Variants in RNF135 observed in about 807,000 individuals in gnomAD.
The protein encoded by RNF135 is ring finger protein 135.
In RNF135, 46 loss-of-function variants were observed where a neutral mutation model predicts 41.9. The observed-to-expected ratio is 1.10, with a 90% confidence interval of 0.87 to 1.40. RNF135 has a LOEUF of 1.40. Ranked by LOEUF, RNF135 falls within the 40% of genes most tolerant of loss-of-function variation. The pLI is 0.00. For missense variants in RNF135, 539 were observed against 549.8 expected, an observed-to-expected ratio of 0.98 and a Z score of 0.20; for synonymous variants, 238 against 223.8, an observed-to-expected ratio of 1.06 and a Z score of -0.57.
chr17:30,992,845 T>C (rs1363838747), intron 3 of RNF135, among the ~76,000 whole-genome samples: 1 of 152,034 alleles, frequency 6.6e-6, no homozygotes, highest in Non-Finnish European at 1.5e-5. Context: ...TTTTTTCTTT[T>C]ATGCATTGTA....
chr17:30,982,036 C>A (rs1907188767), intron 1 of RNF135, among the ~76,000 whole-genome samples: 1 of 152,306 alleles, frequency 6.6e-6, no homozygotes, highest in Admixed American at 6.5e-5. Flanking sequence ...CCTTGTTAAC[C>A]ACTATCTGGC....
At chr17:30,988,195 G>A (rs1335606099) in intron 3 of RNF135, 89 bp downstream of exon 3, 1 of 1,236,454 alleles carries the variant, frequency 8.1e-7, no homozygotes, top group African/African-American at 1.5e-5. Context: ...TCTGGGGATA[G>A]GATCCCAGAG....
At chr17:30,970,998 A>G, upstream of RNF135, 2 of 1,523,708 alleles carry the variant, frequency 1.3e-6, no homozygotes, top group South Asian at 2.4e-5. Context: ...CAAGGGGAAG[A>G]GGAAGGGCGA....
At chr17:30,968,118 A>G (rs980912547), upstream of RNF135, among the ~76,000 whole-genome samples, 1 of 151,588 alleles carries the variant, frequency 6.6e-6, no homozygotes, top group African/African-American at 2.4e-5. Context: ...GGGAAACCCC[A>G]TCTCTACTAA....
rs751567056 is a variant in RNF135 at position 30,987,902 on chromosome 17, AG to A, written c.517-38del. 4 of 1,544,542 alleles carry A rather than the reference AG, an allele frequency of 2.6e-6. No homozygotes were observed. The African/African-American group carries it at 5.4e-5, about 21-fold the overall frequency. On this transcript the variant is annotated intron_variant, in intron 2 of 4. Coordinates refer to ENST00000328381, the MANE Select transcript of RNF135 (RefSeq NM_032322.4). Reference sequence around the variant, plus strand: ...GAATATAATAGTTGATAGACTGCATAGGGGACTTCCATTTATTCAGTTTTAA... The same window carrying A: ...GAATATAATAGTTGATAGACTGCATAGGGACTTCCATTTATTCAGTTTTAA...
upstream of RNF135, among the ~76,000 whole-genome samples, chr17:30,968,142 G>A (rs1234570230): frequency 6.6e-6 from 1 of 151,424 alleles, no homozygotes; most frequent in East Asian, 2.0e-4. Flanking sequence ...TACAAAATTA[G>A]CCGGGCATGG....
upstream of RNF135, among the ~76,000 whole-genome samples, chr17:30,966,870 A>T (rs1390686187): frequency 6.6e-6 from 1 of 152,082 alleles, no homozygotes; most frequent in Non-Finnish European, 1.5e-5. Context: ...AGAGATTATC[A>T]CTATATGACT....
chr17:30,980,968 G>T (rs1304725966), intron 1 of RNF135, among the ~76,000 whole-genome samples: 2 of 149,038 alleles, frequency 1.3e-5, no homozygotes, highest in East Asian at 4.0e-4. Context: ...GGTGGCGGCC[G>T]GGCAGAGGCT....
At chr17:30,961,494 G>A in the RNF135 span, among the ~76,000 whole-genome samples, 1 of 151,478 alleles carries the variant, frequency 6.6e-6, no homozygotes, top group East Asian at 2.0e-4. Flanking sequence ...ATGGAGTCTT[G>A]CTCTGTCACC....
At chr17:30,983,338 TA>T (rs1567743169) in intron 1 of RNF135, among the ~76,000 whole-genome samples, 759 of 30,694 alleles carry the variant, frequency 0.025, 15 homozygotes, top group African/African-American at 0.055. Context: ...TATATATATA[TA>T]TATATATATA....
At chr17:30,997,063 T>C (rs996915199) in intron 3 of RNF135, among the ~76,000 whole-genome samples, 179 bp from the exon 4 acceptor site, 1 of 152,112 alleles carries the variant, frequency 6.6e-6, no homozygotes, top group Non-Finnish European at 1.5e-5. Flanking sequence ...AGTGAGAACA[T>C]GGAGGTGCAC....
In RNF135 at chr17:30,993,113, T is replaced by G. The variant is rs572202335; in HGVS notation, c.680-4129T>G. Among the ~76,000 whole-genome samples the G allele has an allele frequency of 1.9e-3, 287 of 151,462 alleles. 1 individual carries two copies. Among genetic ancestry groups the G allele is most frequent in the African/African-American group, 6.6e-3 (273 of 41,272 alleles). ...TCTCACTCTGTTGCCCAGGCTGGAG[T>G]GCAGTGGCGCGATCTCGGCTCACCA... On this transcript the variant is annotated intron_variant, in intron 3 of 4. Coordinates refer to ENST00000328381, the MANE Select transcript of RNF135 (RefSeq NM_032322.4).
At chr17:30,975,167 GAAA>G (rs1303116001) in intron 1 of RNF135, among the ~76,000 whole-genome samples, 1 of 150,652 alleles carries the variant, frequency 6.6e-6, no homozygotes, top group African/African-American at 2.4e-5. Flanking sequence ...AAAAAAAAAA[GAAA>G]AAAGAAGCTG....
At chr17:30,966,564 G>A (rs1905560152), upstream of RNF135, among the ~76,000 whole-genome samples, 1 of 150,750 alleles carries the variant, frequency 6.6e-6, no homozygotes, top group African/African-American at 2.4e-5. Flanking sequence ...GCGCGATCTT[G>A]GCTCACTGCA....
Position 30,971,138 on chromosome 17 carries a change from T to A in RNF135, c.65T>A (p.Ile22Asn). 1 of 1,534,148 alleles carries A rather than the reference T, an allele frequency of 6.5e-7. No homozygotes were observed. Among genetic ancestry groups the A allele is most frequent in the South Asian group, 1.2e-5 (1 of 83,986 alleles). Residue 22 changes from isoleucine (I) to asparagine (N), a missense_variant, in exon 1 of 5, where the codon ATC (isoleucine) becomes AAC (asparagine). Physicochemically the swap from Ile to Asn is moderately radical, Grantham distance 149 (BLOSUM62 -3). Around this residue, in one of 2 missense-constraint regions of RNF135, gnomAD observed 277 missense variants for 212.8 expected, o/e 1.30. Coordinates refer to ENST00000328381, the MANE Select transcript of RNF135 (RefSeq NM_032322.4). ...CTGGCCGAGGACGACCTCGGCTGCA[T>A]CATCTGCCAGGGGCTGCTGGACTGG... ...VWLAEDDLGCIICQGLLDWPA... is the reference protein window; with the variant it reads ...VWLAEDDLGCNICQGLLDWPA...
At chr17:30,976,613 C>T (rs1436154869) in intron 1 of RNF135, among the ~76,000 whole-genome samples, 1 of 152,170 alleles carries the variant, frequency 6.6e-6, no homozygotes, top group African/African-American at 2.4e-5. Context: ...ATAATACTTG[C>T]TTTACATGTC....
intron 1 of RNF135, chr17:30,973,218 T>C (rs1281257924): frequency 6.6e-6 from 1 of 152,212 alleles, no homozygotes; most frequent in Non-Finnish European, 1.5e-5. Flanking sequence ...TTTATCTTTT[T>C]GTTGTTGAGT....
rs766992169 is a variant in RNF135, at chr17:30,988,069, C to T, written c.642C>T (p.Ser214=). The change falls in exon 3 of 5, where the codon AGC becomes AGT. Residue 214 remains serine (S), a synonymous_variant. Coordinates refer to ENST00000328381, the MANE Select transcript of RNF135 (RefSeq NM_032322.4). ...AAATTCAGGAAAAATTACAAGAAAG[C>T]GTCACCTGGAAAGAGGCTCCTGAAG... The part of the protein sequence containing the change: ...LEEIQEKLQE[S]VTWKEAPEAQ... 5.0e-5 allele frequency: 80 copies of T among 1,613,784 alleles called. No individual in the cohort carries two copies. Among genetic ancestry groups the T allele is most frequent in the Non-Finnish European group, 5.8e-5 (69 of 1,179,924 alleles).
intron 1 of RNF135, among the ~76,000 whole-genome samples, chr17:30,973,500 C>T (rs139407698): frequency 2.2e-4 from 34 of 151,344 alleles, no homozygotes; most frequent in African/African-American, 7.8e-4. Flanking sequence ...CGAGGTCTCG[C>T]TCCTTTCCCA....
Sources: gnomAD v4.1 joint callset for allele counts (sites outside exome capture counted in the v4.1 genomes callset) on GRCh38, gnomAD v4.1.1 for gene constraint, gnomAD v4.1.1 regional missense constraint, MANE v1.5 for transcripts, NCBI Gene and HGNC (gene_info 2026-07-23, HGNC 2026-07-21) for gene names.